USH2A: variants seen among roughly 807,000 people sequenced by gnomAD.
USH2A encodes the protein Usher syndrome 2A (autosomal recessive, mild).
USH2A carries 443 observed loss-of-function variants against 538.9 expected under a neutral mutation model. That is an observed-to-expected ratio of 0.82 (90% CI 0.76 to 0.89). The LOEUF (loss-of-function observed/expected upper bound fraction) is 0.89, where lower values mean the gene tolerates loss of function less well. Among genes scored for constraint, USH2A ranks in the 40% least tolerant of loss-of-function variants. The pLI is 0.00. For synonymous variants in USH2A, 2,413 were observed against 2,273.5 expected (o/e 1.06, Z -1.75); for missense variants, 6,633 against 6,324.8 (o/e 1.05, Z -1.65).
chr1:215,976,039 A>G (rs1667612519), intron 35 of USH2A, among the ~76,000 whole-genome samples: 1 of 152,002 alleles, frequency 6.6e-6, no homozygotes, highest in Non-Finnish European at 1.5e-5. Context: ...ACCTTCTTGG[A>G]TGGATGTATG....
chr1:215,990,760 C>CTTTTTTTTT (rs35293238), intron 35 of USH2A, among the ~76,000 whole-genome samples: 1 of 114,582 alleles, frequency 8.7e-6, no homozygotes. Context: ...CTTAATTTTC[C>CTTTTTTTTT]TTTTTTTTTT....
At chr1:216,096,593 A>C (rs902891284) in intron 22 of USH2A, among the ~76,000 whole-genome samples, 1 of 152,170 alleles carries the variant, frequency 6.6e-6, no homozygotes, top group Non-Finnish European at 1.5e-5. Flanking sequence ...AAGAATTTTA[A>C]ATTGATTATT....
At position 215,648,513 on chromosome 1, in the gene USH2A, T is replaced by C. The variant is rs376687557; in HGVS notation, c.14582+15A>G. 6.8e-6 allele frequency: 11 copies of C among 1,612,642 alleles called. No homozygotes were observed. In the African/African-American group the frequency reaches 1.5e-4, roughly 22 times the overall value. On this transcript the variant is annotated intron_variant, in intron 66 of 71. Coordinates refer to ENST00000307340, the MANE Select transcript of USH2A (RefSeq NM_206933.4). ...TGCCTTGTTAGTTTCTTCATCCTTC[T>C]GCCTGACCCATTACCTGTGAATGAC...
intron 22 of USH2A, among the ~76,000 whole-genome samples, chr1:216,092,346 A>C (rs2032322332): frequency 6.6e-6 from 1 of 152,216 alleles, no homozygotes; most frequent in Admixed American, 6.5e-5. Flanking sequence ...TGTGATGAGT[A>C]TAAAAAGTAT....
At chr1:216,075,672 C>T (rs980624707) in intron 27 of USH2A, among the ~76,000 whole-genome samples, 1 of 152,172 alleles carries the variant, frequency 6.6e-6, no homozygotes, top group Non-Finnish European at 1.5e-5. Context: ...TGTGAGACCA[C>T]ATGCCAGACC....
intron 13 of USH2A, among the ~76,000 whole-genome samples, chr1:216,243,319 T>C (rs2035971700): frequency 6.6e-6 from 1 of 152,164 alleles, no homozygotes; most frequent in South Asian, 2.1e-4. Flanking sequence ...TCAATAAAAG[T>C]ACAAAACTCA....
At chr1:215,784,747 T>C (rs1571684412) in intron 52 of USH2A, among the ~76,000 whole-genome samples, 1 of 152,240 alleles carries the variant, frequency 6.6e-6, no homozygotes, top group East Asian at 1.9e-4. Flanking sequence ...GAACAGTTTG[T>C]TATTTTTCAT....
Position 216,044,125 on chromosome 1 carries a change from A to G in USH2A, c.6325+2306T>C, listed in dbSNP as rs1481907650. ...TCCTTAATGATCATTATGGTTCAGC[A>G]GGGCAAACCGATGAACAAACAAACA... is the stretch of plus-strand genomic sequence containing the variant. On this transcript the variant is annotated intron_variant, in intron 32 of 71. Transcript: ENST00000307340. Among the ~76,000 whole-genome samples the G allele has an allele frequency of 2.0e-5, 3 of 152,154 alleles. 1 individual carries two copies. The highest frequency in any genetic ancestry group is 2.0e-4 in the Admixed American group (3 of 15,260).
At chr1:216,234,620 G>A (rs1207223213) in intron 13 of USH2A, among the ~76,000 whole-genome samples, 1 of 152,042 alleles carries the variant, frequency 6.6e-6, no homozygotes, top group Non-Finnish European at 1.5e-5. Context: ...ATGGCATCAT[G>A]AATGTGCTAA....
chr1:215,728,002 T>C, intron 61 of USH2A, 28 bp downstream of exon 61: 2 of 1,606,490 alleles, frequency 1.2e-6, no homozygotes, highest in Non-Finnish European at 1.7e-6. Context: ...ATAATCTGCA[T>C]GTCTGTTACT....
At chr1:216,048,497 T>G in intron 31 of USH2A, 37 bp downstream of exon 31, 1 of 1,583,706 alleles carries the variant, frequency 6.3e-7, no homozygotes, top group Non-Finnish European at 8.7e-7. Flanking sequence ...TATTCATGAC[T>G]GAAATGTGGA....
intron 9 of USH2A, among the ~76,000 whole-genome samples, chr1:216,300,575 A>C: frequency 6.6e-6 from 1 of 152,188 alleles, no homozygotes; most frequent in South Asian, 2.1e-4. Flanking sequence ...AATTTATTTT[A>C]TTACATTATA....
chr1:215,766,778 T>A lies in USH2A; in HGVS notation c.10950A>T (p.Pro3650=), dbSNP rs372690499. The stretch of plus-strand genomic sequence containing the variant: ...TAAGAGTGAAGCTGTAGTTGGTGTA[T>A]GGCTGGAGACCTAGAAAAAGCAAGC... ...RRQHTVTGLQ[P]YTNYSFTLTA... The change falls in exon 56 of 72, where the codon CCA becomes CCT. Residue 3650 remains proline, a synonymous_variant. Transcript: ENST00000307340. The A allele has an allele frequency of 2.5e-6, 4 of 1,613,556 alleles. No homozygotes were observed. The South Asian group carries it at 4.4e-5, about 18-fold the overall frequency.
intron 9 of USH2A, among the ~76,000 whole-genome samples, chr1:216,318,949 C>T (rs947853686): frequency 8.6e-5 from 13 of 151,978 alleles, no homozygotes; most frequent in Non-Finnish European, 1.6e-4. Flanking sequence ...TAACTGTGAG[C>T]AATTAAAGAC....
intron 11 of USH2A, among the ~76,000 whole-genome samples, chr1:216,281,784 G>A (rs561685425): frequency 2.2e-4 from 34 of 151,170 alleles, no homozygotes; most frequent in South Asian, 6.3e-4. Context: ...TTCCAAAGTC[G>A]GTGCACATTT....
intron 44 of USH2A, among the ~76,000 whole-genome samples, chr1:215,849,736 G>A (rs944491223): frequency 1.3e-5 from 2 of 151,962 alleles, no homozygotes; most frequent in Admixed American, 1.3e-4. Flanking sequence ...TTATAAAGGA[G>A]AAAAAAATCA....
chr1:216,140,295 C>T (rs544998899), intron 21 of USH2A, among the ~76,000 whole-genome samples: 22 of 152,084 alleles, frequency 1.4e-4, no homozygotes, highest in East Asian at 5.8e-4. Context: ...GCACAGTGCA[C>T]GGCACATAGT....
intron 49 of USH2A, among the ~76,000 whole-genome samples, chr1:215,805,128 C>T (rs1473733018): frequency 6.6e-6 from 1 of 150,980 alleles, no homozygotes; most frequent in African/African-American, 2.4e-5. Flanking sequence ...ACACAGGGGC[C>T]TGTTGTGGGG....
intron 67 of USH2A, among the ~76,000 whole-genome samples, chr1:215,643,429 T>C (rs1202482010): frequency 6.6e-6 from 1 of 152,156 alleles, no homozygotes. Context: ...TCCGTAACTA[T>C]TGACCCAGTA....
Sources: gnomAD v4.1 joint callset for allele counts (sites outside exome capture counted in the v4.1 genomes callset) on GRCh38, gnomAD v4.1.1 for gene constraint, MANE v1.5 for transcripts, NCBI Gene and HGNC (gene_info 2026-07-23, HGNC 2026-07-21) for gene names.